The following GSPT1 variants were observed in gnomAD, a reference collection of about 807,000 sequenced individuals.
GSPT1 encodes the protein eukaryotic peptide chain release factor GTP-binding subunit ERF3A.
Under a neutral mutation model 72.5 loss-of-function variants are expected in GSPT1, and 20 were observed. The ratio of observed to expected loss-of-function variants is 0.28; its 90% CI spans 0.19 to 0.40. The LOEUF (loss-of-function observed/expected upper bound fraction) is 0.40. Among genes scored for constraint, GSPT1 ranks in the 10% least tolerant of loss-of-function variants. The pLI, the probability that GSPT1 is intolerant of heterozygous loss-of-function variation, is 1.00. For synonymous variants in GSPT1, 334 were observed against 293.5 expected, an observed-to-expected ratio of 1.14 and a Z score of -1.41; for missense variants, 580 against 811.9, an observed-to-expected ratio of 0.71 and a Z score of 3.47.
chr16:11,914,495 A>C (rs1323369282), intron 1 of GSPT1, among the ~76,000 whole-genome samples: 1 of 152,234 alleles, frequency 6.6e-6, no homozygotes, highest in African/African-American at 2.4e-5. Context: ...AAGACACGTG[A>C]GAACTATTAA....
At chr16:11,891,017 G>C (rs779973837) in intron 6 of GSPT1, 45 bp downstream of exon 6, 6 of 839,806 alleles carry the variant, frequency 7.1e-6, no homozygotes, top group Non-Finnish European at 1.2e-5. Flanking sequence ...AGTGGGCATC[G>C]TCTCCTTAAA....
intron 1 of GSPT1, among the ~76,000 whole-genome samples, chr16:11,901,767 G>C (rs1318843646): frequency 6.6e-6 from 1 of 151,730 alleles, no homozygotes; most frequent in Non-Finnish European, 1.5e-5. Context: ...ACTCTAGCCT[G>C]GGTGAAAGAG....
At chr16:11,909,091 CT>C (rs919138531) in intron 1 of GSPT1, among the ~76,000 whole-genome samples, 460 of 145,584 alleles carry the variant, frequency 3.2e-3, no homozygotes, top group Middle Eastern at 7.0e-3. Context: ...GCAGAATGCG[CT>C]TTTTTTTTTT....
At chr16:11,904,697 T>C (rs1232792383) in intron 1 of GSPT1, among the ~76,000 whole-genome samples, 1 of 152,126 alleles carries the variant, frequency 6.6e-6, no homozygotes, top group Non-Finnish European at 1.5e-5. Context: ...TCAAGTTACA[T>C]GTTTTAAACA....
chr16:11,883,827 C>T (rs142305725), intron 10 of GSPT1, among the ~76,000 whole-genome samples: 72 of 151,674 alleles, frequency 4.7e-4, no homozygotes, highest in African/African-American at 1.7e-3. Flanking sequence ...GCATGAGAAT[C>T]GCTTGAACCC....
chr16:11,892,502 T>G, intron 5 of GSPT1, among the ~76,000 whole-genome samples: 2 of 61,132 alleles, frequency 3.3e-5, no homozygotes, highest in African/African-American at 7.6e-5. Context: ...GGGAGACCCT[T>G]TCTCAAAAAA....
rs751454198 is a variant in GSPT1 at position 11,877,345 on chromosome 16, C to A, written c.1602+62G>T. ...TCACAAATAATCAGGACAAAAGGCA[C>A]TGATATTCTAATTTCATTTAGACAT... On this transcript the variant is annotated intron_variant, in intron 12 of 14. Transcript: ENST00000434724. This position sits in a 1 kb window ranked among gnomAD's most constrained non-coding sequence, Gnocchi z 4.0. 16 of 1,149,864 alleles carry A rather than the reference C, an allele frequency of 1.4e-5. No homozygotes were observed. In the South Asian group the frequency reaches 2.1e-4, roughly 15 times the overall value. 71.2% of individuals were successfully genotyped at this position (1,149,864 alleles called of 1,614,324 possible).
chr16:11,892,531 ACAAAAAAT>A (rs2054279631), intron 5 of GSPT1, among the ~76,000 whole-genome samples: 1 of 139,940 alleles, frequency 7.1e-6, no homozygotes, highest in African/African-American at 2.8e-5. Flanking sequence ...AACAAAAAAA[ACAAAAAAT>A]AAAAAATGGC....
intron 6 of GSPT1, among the ~76,000 whole-genome samples, chr16:11,888,841 C>A (rs1681048686): frequency 6.6e-6 from 1 of 152,156 alleles, no homozygotes; most frequent in African/African-American, 2.4e-5. Context: ...TAAACGCAGT[C>A]AATTATACCA....
intron 10 of GSPT1, 34 bp downstream of exon 10, chr16:11,885,147 C>G (rs2054172845): frequency 1.0e-6 from 1 of 985,366 alleles, no homozygotes; most frequent in Non-Finnish European, 1.6e-6. Flanking sequence ...ATTTCCCCTC[C>G]CAGGAAACCC....
At chr16:11,915,153 G>GCGCTGCGCGCTGCC in intron 1 of GSPT1, 1 of 1,034,486 alleles carries the variant, frequency 9.7e-7, no homozygotes, top group Non-Finnish European at 1.2e-6. Flanking sequence ...GTCTTTGGGC[G>GCGCTGCGCGCTGCC]CGCTGCCCGC....
At chr16:11,902,753 A>AT (rs2054430692) in intron 1 of GSPT1, among the ~76,000 whole-genome samples, 1 of 151,878 alleles carries the variant, frequency 6.6e-6, no homozygotes, top group African/African-American at 2.4e-5. Flanking sequence ...CACCCAGCTA[A>AT]TTTTTGTAGT....
At chr16:11,907,372 G>A (rs1303094879) in intron 1 of GSPT1, among the ~76,000 whole-genome samples, 2 of 152,110 alleles carry the variant, frequency 1.3e-5, no homozygotes, top group Admixed American at 6.6e-5. Flanking sequence ...TAGCTTTACT[G>A]AGCCTTTATT....
intron 14 of GSPT1, among the ~76,000 whole-genome samples, chr16:11,875,322 A>G (rs1307939088): frequency 6.6e-6 from 1 of 152,218 alleles, no homozygotes; most frequent in Non-Finnish European, 1.5e-5. Context: ...CATGACCCCA[A>G]GATGGGAATG....
At chr16:11,902,404 CAAAAAAAA>C (rs775362322) in intron 1 of GSPT1, among the ~76,000 whole-genome samples, 3 of 61,572 alleles carry the variant, frequency 4.9e-5, no homozygotes, top group Non-Finnish European at 8.8e-5. Flanking sequence ...GACTCTGTCT[CAAAAAAAA>C]AAAAAAAAAA....
At chr16:11,912,410 G>A (rs2054572299) in intron 1 of GSPT1, among the ~76,000 whole-genome samples, 1 of 151,130 alleles carries the variant, frequency 6.6e-6, no homozygotes, top group Non-Finnish European at 1.5e-5. Context: ...CAGCAAATAC[G>A]GAACACTACA....
At chr16:11,892,971 G>C (rs1362955402) in intron 5 of GSPT1, among the ~76,000 whole-genome samples, 1 of 151,970 alleles carries the variant, frequency 6.6e-6, no homozygotes, top group Non-Finnish European at 1.5e-5. Context: ...AATGACTATG[G>C]TTATAAGATG....
intron 14 of GSPT1, among the ~76,000 whole-genome samples, chr16:11,873,405 C>G (rs28516422): frequency 3.9e-5 from 6 of 151,944 alleles, no homozygotes; most frequent in South Asian, 2.1e-4. Context: ...TCCCCCCGTA[C>G]CCCCCAAACA....
chr16:11,891,059 T>C lies in GSPT1; in HGVS notation c.776+3A>G, dbSNP rs1349875036. ...TTATAAGTGTCATAAAAGTTTACTA[T>C]ACCAAGTTTCTCTGTTTTTCTCTTT... is the stretch of plus-strand genomic sequence containing the variant. On this transcript the variant is annotated splice_donor_region_variant and intron_variant, in intron 6 of 14. Coordinates refer to ENST00000434724, the MANE Select transcript of GSPT1 (RefSeq NM_002094.4). The C allele has an allele frequency of 1.1e-5, 15 of 1,371,082 alleles. No homozygotes were observed. The highest frequency in any genetic ancestry group is 1.4e-5 in the Non-Finnish European group (14 of 990,746). The allele number at this position is 1,371,082 out of a possible 1,614,324, so 84.9% of individuals were successfully genotyped here. A position where few individuals can be genotyped will look rare whatever the true frequency, so the allele number is the denominator to read the frequency against.
Sources: gnomAD v4.1 joint callset for allele counts (sites outside exome capture counted in the v4.1 genomes callset) on GRCh38, gnomAD v4.1.1 for gene constraint, Gnocchi (gnomAD v3.1) non-coding constraint, MANE v1.5 for transcripts, NCBI Gene and HGNC (gene_info 2026-07-23, HGNC 2026-07-21) for gene names.